Variants in CIAO3 observed in about 807,000 individuals in gnomAD.
CIAO3 encodes LET1 like/JFP15.
CIAO3 carries 45 observed loss-of-function variants against 51.5 expected under a neutral mutation model. The ratio of observed to expected loss-of-function variants is 0.87; its 90% confidence interval spans 0.69 to 1.12. The LOEUF is 1.12. Among genes scored for constraint, CIAO3 ranks in the 50% most tolerant of loss-of-function variants. The pLI is 0.00. For synonymous variants in CIAO3, 314 were observed against 269.3 expected, an observed-to-expected ratio of 1.17 and a Z score of -1.63; for missense variants, 668 against 632.5, an observed-to-expected ratio of 1.06 and a Z score of -0.60.
intron 2 of CIAO3, chr16:739,267 C>T (rs897844192): frequency 4.3e-6 from 1 of 230,928 alleles, no homozygotes. Flanking sequence ...CCACTGCACT[C>T]CAGCCTGGGC....
chr16:736,449 C>T (rs1304116747), intron 3 of CIAO3, 51 bp from the exon 4 acceptor site: 1 of 1,607,550 alleles, frequency 6.2e-7, no homozygotes, highest in African/African-American at 1.3e-5. Context: ...TATGCTGATT[C>T]CTGGTGGCCA....
rs766584948 is a variant in CIAO3 at position 730,423 on chromosome 16, C to T, written c.1425G>A (p.Arg475=). The stretch of plus-strand genomic sequence containing the variant: ...AGTCCTGGTCCTGCAGCCCCTACCA[C>T]CGGATGCCCAGGCCAGTGCTGGCCT... The part of the protein sequence containing the change: ...VEKASTGLGI[R]W The change falls in exon 11 of 11, where the codon CGG becomes CGA. Residue 475 remains arginine, a synonymous_variant. Transcript: ENST00000251588. 3.7e-6 allele frequency: 6 copies of T among 1,601,516 alleles called. No individual in the cohort carries two copies. The highest frequency in any genetic ancestry group is 5.1e-6 in the Non-Finnish European group (6 of 1,179,536).
At position 737,956 on chromosome 16, in the gene CIAO3, C is replaced by T; in HGVS notation, c.163-627G>A. On this transcript the variant is annotated intron_variant, in intron 2 of 10. Transcript: ENST00000251588. This position sits in a 1 kb window ranked among gnomAD's most constrained non-coding sequence, Gnocchi z 5.3. ...CCTGCAAAGGCAGGAATGGTTTGAG[C>T]AGGGCCAGGGGTGCTGCAGTGGCCC... is the stretch of plus-strand genomic sequence containing the variant. 8.5e-7 allele frequency: 1 copy of T among 1,179,478 alleles called. No homozygotes were observed. Among genetic ancestry groups the T allele is most frequent in the Non-Finnish European group, 1.1e-6 (1 of 937,608 alleles). The allele number at this position is 1,179,478 out of a possible 1,614,324, so 73.1% of individuals were successfully genotyped here.
intron 4 of CIAO3, among the ~76,000 whole-genome samples, chr16:735,727 C>T (rs2041330979): frequency 6.6e-6 from 1 of 152,220 alleles, no homozygotes; most frequent in Non-Finnish European, 1.5e-5. Context: ...TGGGACACAG[C>T]TGGATGACAG....
Position 736,388 on chromosome 16 carries a change from G to T in CIAO3, c.317C>A (p.Pro106His). The change falls in exon 4 of 11, where the codon CCC becomes CAC. Residue 106 changes from proline to histidine, a missense_variant. Physicochemically the swap from Pro to His is moderately conservative, Grantham distance 77. Coordinates refer to ENST00000251588, the MANE Select transcript of CIAO3 (RefSeq NM_022493.3). ...KVLDANKMAAPSQQRLVVVSV... is the reference protein window; with the variant it reads ...KVLDANKMAAHSQQRLVVVSV... ...AACTACAACCAGCCTCTGCTGACTG[G>T]GTGCCGCCATCTGCAAAGCAAGGGG... The T allele has an allele frequency of 1.2e-6, 2 of 1,612,810 alleles. No homozygotes were observed.
intron 9 of CIAO3, chr16:731,246 T>C: frequency 1.6e-6 from 1 of 626,754 alleles, no homozygotes; most frequent in Non-Finnish European, 2.7e-6. Context: ...CCCAGGGATG[T>C]CTGTGAGGCC....
At chr16:733,838 G>A in intron 6 of CIAO3, 1 of 363,730 alleles carries the variant, frequency 2.7e-6, no homozygotes, top group Non-Finnish European at 5.2e-6. Context: ...GGCACCACCG[G>A]GGCCGCCCTC....
chr16:738,835 A>G (rs924677194), intron 2 of CIAO3, among the ~76,000 whole-genome samples: 1 of 146,236 alleles, frequency 6.8e-6, no homozygotes, highest in African/African-American at 2.6e-5. Context: ...TTTAGTACAG[A>G]TGGGGGTTGG....
chr16:730,929 C>T lies in CIAO3; in HGVS notation c.1106G>A (p.Gly369Asp), dbSNP rs1596668976. 1.2e-6 allele frequency: 2 copies of T among 1,612,866 alleles called. No homozygotes were observed. The highest frequency in any genetic ancestry group is 1.7e-6 in the Non-Finnish European group (2 of 1,180,014). Residue 369 changes from glycine (G) to aspartate (D), a missense_variant, in exon 10 of 11, where the codon GGC becomes GAC. By Grantham distance (94) the Gly-to-Asp change is moderately conservative. Transcript: ENST00000251588. The stretch of plus-strand genomic sequence containing the variant: ...CACCAGGTTCTGGATGTTGCGGAAG[C>T]CGTACGCCATTGCGAAGTGCAGCAG... ...QVLLHFAMAY[G>D]FRNIQNLVQR...
intron 8 of CIAO3, 109 bp downstream of exon 8, chr16:732,192 G>A (rs1389228289): frequency 1.6e-6 from 2 of 1,223,480 alleles, no homozygotes; most frequent in South Asian, 1.4e-5. Flanking sequence ...AGCCACTTCT[G>A]TGGACGCCAA....
At position 737,456 on chromosome 16, in the gene CIAO3, A is replaced by G; in HGVS notation, c.163-127T>C. Reference sequence around the variant, plus strand: ...GCTGGCTGGGCTTGTGTGCCGCTGAATTTTTAAAAATTAGGTATGTATTAC... The same window carrying G: ...GCTGGCTGGGCTTGTGTGCCGCTGAGTTTTTAAAAATTAGGTATGTATTAC... On this transcript the variant is annotated intron_variant, in intron 2 of 10. Coordinates refer to ENST00000251588, the MANE Select transcript of CIAO3 (RefSeq NM_022493.3). The surrounding 1 kb of genome is among the most constrained non-coding windows in gnomAD (Gnocchi z 5.3). 3.9e-6 allele frequency: 6 copies of G among 1,543,184 alleles called. No homozygotes were observed. In the South Asian group the frequency reaches 7.1e-5, roughly 18 times the overall value.
In CIAO3 at chr16:730,651, G is replaced by A. The variant is rs766810490; in HGVS notation, c.1197C>T (p.Cys399=). 4.4e-6 allele frequency: 7 copies of A among 1,608,602 alleles called. No individual in the cohort carries two copies. In the African/African-American group the frequency reaches 9.3e-5, roughly 21 times the overall value. The stretch of plus-strand genomic sequence containing the variant: ...CCTGGAGCTGGCCCCCGCCGTTCAG[G>A]CAGCCTATGGGAGAGCAGACGGGAC... ...YVEVMACPSG[C]LNGGGQLQAP... Residue 399 remains cysteine, a synonymous_variant, in exon 11 of 11, where the codon TGC becomes TGT. Transcript: ENST00000251588.
intron 7 of CIAO3, 73 bp downstream of exon 7, chr16:733,225 C>A: frequency 1.3e-6 from 2 of 1,576,106 alleles, no homozygotes; most frequent in Middle Eastern, 2.1e-4. Flanking sequence ...CCTGGGCAGT[C>A]GCCACCTGTG....
At position 737,519 on chromosome 16, in the gene CIAO3, G is replaced by C; in HGVS notation, c.163-190C>G. 1 of 1,518,660 alleles carries C rather than the reference G, an allele frequency of 6.6e-7. No homozygotes were observed. Among genetic ancestry groups the C allele is most frequent in the Non-Finnish European group, 8.8e-7 (1 of 1,136,502 alleles). The allele number at this position is 1,518,660 out of a possible 1,614,324, so 94.1% of individuals were successfully genotyped here. ...GCACGCTCTACAGTTTCATAATGCC[G>C]TCAAGTCTGCTTCTTGGTACCACTT... On this transcript the variant is annotated intron_variant, in intron 2 of 10. Transcript: ENST00000251588. This position sits in a 1 kb window ranked among gnomAD's most constrained non-coding sequence, Gnocchi z 5.3.
At position 730,937 on chromosome 16, in the gene CIAO3, C is replaced by G. The variant is rs747201606; in HGVS notation, c.1098G>C (p.Met366Ile). 1.9e-6 allele frequency: 3 copies of G among 1,612,988 alleles called. No individual in the cohort carries two copies. The highest frequency in any genetic ancestry group is 2.5e-6 in the Non-Finnish European group (3 of 1,180,002). ...KEGQVLLHFA[M>I]AYGFRNIQNL... is the part of the protein sequence containing the mutation. ...TCTGGATGTTGCGGAAGCCGTACGC[C>G]ATTGCGAAGTGCAGCAGCACCTGGC... Residue 366 changes from methionine to isoleucine, a missense_variant, in exon 10 of 11, where the codon ATG (methionine) becomes ATC (isoleucine). Transcript: ENST00000251588.
At chr16:739,491 C>G in intron 2 of CIAO3, 152 bp downstream of exon 2, 1 of 757,068 alleles carries the variant, frequency 1.3e-6, no homozygotes, top group East Asian at 2.7e-5. Flanking sequence ...TGACCCCCAG[C>G]CTCCCAGATG....
chr16:737,176 C>A lies in CIAO3; in HGVS notation c.306+10G>T, dbSNP rs1479566921. 1 of 1,613,532 alleles carries A rather than the reference C, an allele frequency of 6.2e-7. No individual in the cohort carries two copies. Among genetic ancestry groups the A allele is most frequent in the Non-Finnish European group, 8.5e-7 (1 of 1,179,904 alleles). On this transcript the variant is annotated intron_variant, in intron 3 of 10. Transcript: ENST00000251588. The surrounding 1 kb of genome is among the most constrained non-coding windows in gnomAD (Gnocchi z 5.3). ...GTTAAAGCAGAGTCACCAGGCCGACCACTGCTTACCTTGTTAGCATCTAGA... is the reference window on the plus strand; with the variant it reads ...GTTAAAGCAGAGTCACCAGGCCGACAACTGCTTACCTTGTTAGCATCTAGA...
chr16:736,351 T>C lies in CIAO3; in HGVS notation c.354A>G (p.Pro118=), dbSNP rs1385639884. The C allele has an allele frequency of 6.2e-7, 1 of 1,612,954 alleles. No individual in the cohort carries two copies. The highest frequency in any genetic ancestry group is 8.5e-7 in the Non-Finnish European group (1 of 1,179,824). Residue 118 remains proline (P), a synonymous_variant, in exon 4 of 11, where the codon CCA becomes CCG. Transcript: ENST00000251588. Reference sequence around the variant, plus strand: ...GTGCAGCCAGCGATGCTCTAGACTGTGGTGAGACCGAAACTACAACCAGCC... The same window carrying C: ...GTGCAGCCAGCGATGCTCTAGACTGCGGTGAGACCGAAACTACAACCAGCC... ...QQRLVVVSVS[P]QSRASLAARF...
chr16:732,631 G>A lies in CIAO3; in HGVS notation c.824-258C>T, dbSNP rs539456440. ...AGTGTCCATCTGTCCATCCTCTTAG[G>A]CAGTCTGCTTTTCTTTTTTTTTTGA... On this transcript the variant is annotated intron_variant, in intron 7 of 10. Coordinates refer to ENST00000251588, the MANE Select transcript of CIAO3 (RefSeq NM_022493.3). The A allele has an allele frequency of 1.5e-3, 853 of 562,088 alleles. 4 individuals are homozygous for A. The highest frequency in any genetic ancestry group is 2.2e-3 in the South Asian group (130 of 59,154). The allele number at this position is 562,088 out of a possible 1,614,324, so 34.8% of individuals were successfully genotyped here.
Sources: gnomAD v4.1 joint callset for allele counts (sites outside exome capture counted in the v4.1 genomes callset) on GRCh38, gnomAD v4.1.1 for gene constraint, Gnocchi (gnomAD v3.1) non-coding constraint, MANE v1.5 for transcripts, NCBI Gene and HGNC (gene_info 2026-07-23, HGNC 2026-07-21) for gene names.